Variants in CCDC178 observed in about 807,000 individuals in gnomAD.
CCDC178 encodes coiled-coil domain-containing protein 178.
In CCDC178, 126 loss-of-function variants were observed where a neutral mutation model predicts 117.4. The observed-to-expected ratio is 1.07, with a 90% CI of 0.93 to 1.24. CCDC178 has a LOEUF of 1.24. CCDC178 is among the 50% of genes most tolerant of loss of function. The pLI is 0.00. For synonymous variants in CCDC178, 283 were observed against 313.4 expected (o/e 0.90, Z 1.02); for missense variants, 1,030 against 986.9 (o/e 1.04, Z -0.59).
chr18:33,330,062 C>T (rs1023900855), intron 10 of CCDC178, among the ~76,000 whole-genome samples: 2 of 143,876 alleles, frequency 1.4e-5, no homozygotes, highest in Admixed American at 1.4e-4. Flanking sequence ...TCCATTTTAT[C>T]TAGGTTATCT....
intron 6 of CCDC178, among the ~76,000 whole-genome samples, chr18:33,366,087 A>G (rs1740797345): frequency 6.6e-6 from 1 of 152,114 alleles, no homozygotes; most frequent in African/African-American, 2.4e-5. Context: ...CACTGTGGAC[A>G]GAAAATTGTA....
intron 21 of CCDC178, among the ~76,000 whole-genome samples, chr18:33,091,907 C>T (rs571830328): frequency 8.5e-5 from 13 of 152,200 alleles, no homozygotes; most frequent in East Asian, 5.8e-4. Flanking sequence ...GCCAAGCTCA[C>T]GGAGCTAGTA....
chr18:32,941,903 G>T (rs944845645), intron 22 of CCDC178, among the ~76,000 whole-genome samples: 1 of 152,094 alleles, frequency 6.6e-6, no homozygotes, highest in Non-Finnish European at 1.5e-5. Flanking sequence ...CTTCATAAAA[G>T]TAAGGATTGA....
Position 33,215,706 on chromosome 18 carries a change from AT to A in CCDC178, c.1933-12del, listed in dbSNP as rs1568062499. Reference sequence around the variant, plus strand: ...TGCTGAGCGTTTACTCTGAAAAAAAATATACACAAGTGTTTATTTTAAATAC... The same window carrying A: ...TGCTGAGCGTTTACTCTGAAAAAAAAATACACAAGTGTTTATTTTAAATAC... On this transcript the variant is annotated splice_polypyrimidine_tract_variant and intron_variant, in intron 18 of 22. Coordinates refer to ENST00000383096, the MANE Select transcript of CCDC178 (RefSeq NM_001105528.4). 2 of 1,489,930 alleles carry A rather than the reference AT, an allele frequency of 1.3e-6. No homozygotes were observed. Among genetic ancestry groups the A allele is most frequent in the South Asian group, 1.3e-5 (1 of 75,444 alleles). 92.3% of individuals were successfully genotyped at this position (1,489,930 alleles called of 1,614,324 possible). A position where few individuals can be genotyped will look rare whatever the true frequency, so the allele number is the denominator to read the frequency against.
intron 2 of CCDC178, among the ~76,000 whole-genome samples, chr18:33,429,037 AC>A (rs2064168615): frequency 6.6e-6 from 1 of 151,356 alleles, no homozygotes; most frequent in Non-Finnish European, 1.5e-5. Flanking sequence ...AAAAAAAAAA[AC>A]AAGAGAAATA....
chr18:33,004,337 C>T (rs918697949), intron 21 of CCDC178, among the ~76,000 whole-genome samples: 2 of 152,062 alleles, frequency 1.3e-5, no homozygotes, highest in Admixed American at 1.3e-4. Context: ...AATTCACACA[C>T]CTACAGTGAA....
At chr18:33,383,689 A>G (rs943414050) in intron 5 of CCDC178, among the ~76,000 whole-genome samples, 2 of 152,024 alleles carry the variant, frequency 1.3e-5, no homozygotes, top group African/African-American at 2.4e-5. Flanking sequence ...AAAAGACCCC[A>G]CAAAATCCCC....
At chr18:33,382,895 G>A (rs777431846) in intron 5 of CCDC178, among the ~76,000 whole-genome samples, 3 of 152,154 alleles carry the variant, frequency 2.0e-5, no homozygotes, top group Non-Finnish European at 2.9e-5. Context: ...CCACTTCCAC[G>A]GTGCCCAGCA....
intron 21 of CCDC178, among the ~76,000 whole-genome samples, chr18:33,020,917 C>T (rs982494309): frequency 6.6e-6 from 1 of 152,156 alleles, no homozygotes; most frequent in Non-Finnish European, 1.5e-5. Context: ...GACCACAGGA[C>T]ACTACAGCCA....
At chr18:32,975,355 A>C (rs2055009176) in intron 21 of CCDC178, among the ~76,000 whole-genome samples, 1 of 152,198 alleles carries the variant, frequency 6.6e-6, no homozygotes, top group Non-Finnish European at 1.5e-5. Context: ...TGACATGTTT[A>C]ATACAGGATC....
intron 20 of CCDC178, among the ~76,000 whole-genome samples, chr18:33,175,087 C>T (rs977454864): frequency 2.7e-5 from 4 of 145,488 alleles, no homozygotes; most frequent in African/African-American, 8.2e-5. Flanking sequence ...ACCATGTTGG[C>T]GGCTGGTCTC....
chr18:32,988,887 T>C (rs1454680313), intron 21 of CCDC178, among the ~76,000 whole-genome samples: 1 of 152,010 alleles, frequency 6.6e-6, no homozygotes, highest in African/African-American at 2.4e-5. Context: ...ATAGACAAAG[T>C]CCTAATAAAC....
At chr18:33,317,761 A>C (rs1167260629) in intron 11 of CCDC178, among the ~76,000 whole-genome samples, 1 of 152,184 alleles carries the variant, frequency 6.6e-6, no homozygotes, top group Non-Finnish European at 1.5e-5. Flanking sequence ...TGCAATGCCT[A>C]CATGACATAG....
intron 20 of CCDC178, among the ~76,000 whole-genome samples, chr18:33,128,123 G>A (rs886885655): frequency 5.3e-5 from 8 of 152,128 alleles, no homozygotes; most frequent in Non-Finnish European, 7.4e-5. Flanking sequence ...AGCAGGAAGA[G>A]GTAGTTTTCT....
At chr18:33,272,618 T>A (rs1293909932) in intron 12 of CCDC178, among the ~76,000 whole-genome samples, 1 of 151,616 alleles carries the variant, frequency 6.6e-6, no homozygotes, top group Non-Finnish European at 1.5e-5. Flanking sequence ...CAGACTGATA[T>A]CTCTTGTGAA....
chr18:33,292,461 AT>A (rs1200267827), intron 12 of CCDC178, among the ~76,000 whole-genome samples: 1 of 152,124 alleles, frequency 6.6e-6, no homozygotes, highest in African/African-American at 2.4e-5. Flanking sequence ...TGGATAAGAG[AT>A]AAAAAATTAT....
chr18:33,211,075 G>A (rs2059102377), intron 20 of CCDC178, among the ~76,000 whole-genome samples: 2 of 151,378 alleles, frequency 1.3e-5, no homozygotes, highest in South Asian at 4.2e-4. Flanking sequence ...TATAATAATT[G>A]AATATATAAA....
At chr18:33,196,609 T>G (rs1461824835) in intron 20 of CCDC178, among the ~76,000 whole-genome samples, 1 of 152,100 alleles carries the variant, frequency 6.6e-6, no homozygotes, top group African/African-American at 2.4e-5. Context: ...GGCTGTGCAG[T>G]TTTTTTAACT....
chr18:33,096,987 G>A (rs2057552569), intron 20 of CCDC178, among the ~76,000 whole-genome samples: 1 of 152,056 alleles, frequency 6.6e-6, no homozygotes, highest in South Asian at 2.1e-4. Context: ...ATCAGTTGAG[G>A]TAAACTGTAT....
Sources: allele counts gnomAD v4.1 joint callset (sites outside exome capture counted in the v4.1 genomes callset), GRCh38; gene constraint gnomAD v4.1.1; transcripts MANE v1.5; gene names NCBI Gene and HGNC (gene_info 2026-07-23, HGNC 2026-07-21).